Variants in SP110 observed in about 807,000 individuals in gnomAD.
The protein encoded by SP110 is SP110 nuclear body protein.
A neutral mutation model predicts 92.7 loss-of-function variants in SP110; 62 were observed. The observed-to-expected ratio is 0.67, with a 90% confidence interval of 0.55 to 0.83. SP110 has a LOEUF of 0.83. Among genes scored for constraint, SP110 ranks in the 40% least tolerant of loss-of-function variants. The pLI is 0.00. For missense variants in SP110, 793 were observed against 863.9 expected, an observed-to-expected ratio of 0.92 and a Z score of 1.03; for synonymous variants, 273 against 305.3, an observed-to-expected ratio of 0.89 and a Z score of 1.10.
chr2:230,170,329 A>C (rs569302207), intron 18 of SP110, among the ~76,000 whole-genome samples: 1 of 152,218 alleles, frequency 6.6e-6, no homozygotes, highest in Admixed American at 6.5e-5. Context: ...GTTTGAACAA[A>C]GAGGCTGGAT....
intron 11 of SP110, among the ~76,000 whole-genome samples, chr2:230,185,354 C>T (rs552984908): frequency 3.9e-4 from 59 of 152,234 alleles, no homozygotes; most frequent in African/African-American, 1.4e-3. Context: ...ACTGGAGAAC[C>T]GTAATACAAG....
upstream of SP110, among the ~76,000 whole-genome samples, chr2:230,222,313 T>G (rs1272368946): frequency 1.3e-5 from 2 of 152,136 alleles, no homozygotes; most frequent in East Asian, 3.8e-4. Context: ...CTAGTGATTA[T>G]GTACTGAGAT....
At chr2:230,170,807 A>T in intron 17 of SP110, 46 bp from the exon 18 acceptor site, 2 of 1,597,224 alleles carry the variant, frequency 1.3e-6, no homozygotes, top group East Asian at 2.2e-5. Context: ...AGCTGTCATC[A>T]CTGGAATGGA....
At chr2:230,210,920 CCA>C (rs2044396562) in intron 6 of SP110, among the ~76,000 whole-genome samples, 2 of 152,184 alleles carry the variant, frequency 1.3e-5, no homozygotes, top group Non-Finnish European at 2.9e-5. Flanking sequence ...TGAAAATTCC[CCA>C]CAGTCAGGTG....
At chr2:230,208,916 G>T (rs1408546657) in intron 7 of SP110, among the ~76,000 whole-genome samples, 1 of 152,182 alleles carries the variant, frequency 6.6e-6, no homozygotes, top group Non-Finnish European at 1.5e-5. Flanking sequence ...TGGACTGTGA[G>T]TTAGTGTCAA....
intron 7 of SP110, among the ~76,000 whole-genome samples, chr2:230,208,373 G>GTGA (rs2044107473): frequency 6.6e-6 from 1 of 152,220 alleles, no homozygotes; most frequent in African/African-American, 2.4e-5. Context: ...TTAATGAGCT[G>GTGA]TGATACATGT....
Position 230,219,865 on chromosome 2 carries a change from G to T in SP110, c.-2+9C>A. ...AGCGAAGAATAAAGCAGCAAAGACAGAAACTCACCTGGACTTTGAGTTTGT... is the reference window on the plus strand; with the variant it reads ...AGCGAAGAATAAAGCAGCAAAGACATAAACTCACCTGGACTTTGAGTTTGT... On this transcript the variant is annotated intron_variant, in intron 1 of 18. Transcript: ENST00000258381. The T allele has an allele frequency of 1.0e-6, 1 of 965,460 alleles. No homozygotes were observed. The highest frequency in any genetic ancestry group is 1.2e-6 in the Non-Finnish European group (1 of 811,514). The allele number at this position is 965,460 out of a possible 1,614,324, so 59.8% of individuals were successfully genotyped here. A position where few individuals can be genotyped will look rare whatever the true frequency, so the allele number is the denominator to read the frequency against.
rs2045244748 is a variant in SP110, at chr2:230,216,883, G to A, written c.45C>T (p.His15=). ...CGATCCCCAGCTTCTGGTGCATGAA[G>A]TGCTGAAAAAGAGCCTCTTCCATGG... is the stretch of plus-strand genomic sequence containing the variant. ...TRAMEEALFQ[H]FMHQKLGIAY... Residue 15 remains histidine, a synonymous_variant, in exon 2 of 19, where the codon CAC becomes CAT. Transcript: ENST00000258381. 2.5e-6 allele frequency: 4 copies of A among 1,614,052 alleles called. No homozygotes were observed. Among genetic ancestry groups the A allele is most frequent in the South Asian group, 1.1e-5 (1 of 91,082 alleles).
intron 14 of SP110, among the ~76,000 whole-genome samples, chr2:230,175,035 T>C (rs1037678169): frequency 2.6e-5 from 4 of 151,512 alleles, no homozygotes; most frequent in African/African-American, 9.7e-5. Flanking sequence ...TGATCTGGAT[T>C]TTAAAGATTT....
intron 8 of SP110, chr2:230,203,768 T>C (rs1043670758): frequency 6.6e-6 from 1 of 152,244 alleles, no homozygotes; most frequent in Non-Finnish European, 1.5e-5. Flanking sequence ...TGTTTTGTTT[T>C]GTAAAAAATA....
chr2:230,211,818 G>A lies in SP110; in HGVS notation c.668-265C>T, dbSNP rs146089829. ...GAGTGGATGCAATATTATTTGGATC[G>A]AAGAGGACCCCTCTTCTCAGTACTG... On this transcript the variant is annotated intron_variant, in intron 5 of 18. Coordinates refer to ENST00000258381, the MANE Select transcript of SP110 (RefSeq NM_080424.4). This position sits in a 1 kb window ranked among gnomAD's most constrained non-coding sequence, Gnocchi z 4.2. Among the ~76,000 whole-genome samples the A allele has an allele frequency of 1.5e-3, 235 of 152,182 alleles. 1 individual carries two copies. Among genetic ancestry groups the A allele is most frequent in the African/African-American group, 5.4e-3 (223 of 41,516 alleles).
At chr2:230,204,035 T>C (rs56412815) in intron 8 of SP110, among the ~76,000 whole-genome samples, 19,137 of 151,894 alleles carry the variant, frequency 0.13, 1,343 homozygotes, top group South Asian at 0.27. Flanking sequence ...AATTGGAAAA[T>C]TGGAAAAAAG....
rs566010254 is a variant in SP110, at chr2:230,172,306, A to G, written c.1707-132T>C. 2.3e-5 allele frequency: 17 copies of G among 737,798 alleles called. No homozygotes were observed. The East Asian group carries it at 4.1e-4, about 18-fold the overall frequency. 45.7% of individuals were successfully genotyped at this position (737,798 alleles called of 1,614,324 possible). A position where few individuals can be genotyped will look rare whatever the true frequency, so the allele number is the denominator to read the frequency against. On this transcript the variant is annotated intron_variant, in intron 15 of 18. Coordinates refer to ENST00000258381, the MANE Select transcript of SP110 (RefSeq NM_080424.4). ...GGTGGGACACCTCCCAGAGTGTCCAAGATCCCCACATGGGGTCTCCAGCAT... is the reference window on the plus strand; with the variant it reads ...GGTGGGACACCTCCCAGAGTGTCCAGGATCCCCACATGGGGTCTCCAGCAT...
In SP110 at chr2:230,200,922, G is replaced by A. The variant is rs777870124; in HGVS notation, c.1092C>T (p.Ser364=). Residue 364 remains serine (S), a synonymous_variant, in exon 10 of 19, where the codon TCC becomes TCT. Coordinates refer to ENST00000258381, the MANE Select transcript of SP110 (RefSeq NM_080424.4). Reference sequence around the variant, plus strand: ...TTCGTGGTGTACTAGGCGTCTTCTGGGACCTCTTTCCTTCATTCATTTCTG... The same window carrying A: ...TTCGTGGTGTACTAGGCGTCTTCTGAGACCTCTTTCCTTCATTCATTTCTG... ...GTSEMNEGKR[S]QKTPSTPRRV... The A allele has an allele frequency of 5.0e-6, 8 of 1,613,864 alleles. No homozygotes were observed. Among genetic ancestry groups the A allele is most frequent in the Non-Finnish European group, 6.8e-6 (8 of 1,179,854 alleles).
rs935448484 is a variant in SP110 at position 230,168,484 on chromosome 2, G to A, written c.*640C>T. The A allele has an allele frequency of 6.6e-5, 10 of 152,192 alleles. No individual in the cohort carries two copies. Among genetic ancestry groups the A allele is most frequent in the African/African-American group, 2.2e-4 (9 of 41,408 alleles). 9.4% of individuals were successfully genotyped at this position (152,192 alleles called of 1,614,324 possible). On this transcript the variant is annotated 3_prime_UTR_variant, in exon 19 of 19. Coordinates refer to ENST00000258381, the MANE Select transcript of SP110 (RefSeq NM_080424.4). ...GTATTGCTAAAACCATCAGGTGATA[G>A]ATGATCAGGCTGATAACACGTGCAC...
At chr2:230,180,512 C>T (rs985898800) in intron 12 of SP110, among the ~76,000 whole-genome samples, 2 of 151,976 alleles carry the variant, frequency 1.3e-5, no homozygotes, top group Non-Finnish European at 1.5e-5. Context: ...GTCATCTATC[C>T]GCATAACAAT....
intron 12 of SP110, among the ~76,000 whole-genome samples, chr2:230,181,789 A>G (rs2042138771): frequency 6.6e-6 from 1 of 152,236 alleles, no homozygotes; most frequent in South Asian, 2.1e-4. Flanking sequence ...GATTATTAAA[A>G]AGTTAAGAAA....
intron 18 of SP110, 147 bp from the exon 19 acceptor site, chr2:230,169,384 C>T: frequency 1.5e-6 from 1 of 679,620 alleles, no homozygotes; most frequent in Non-Finnish European, 2.7e-6. Context: ...TCATGGCTCA[C>T]TGCAGCCTTG....
rs1208787751 is a variant in SP110 at position 230,213,178 on chromosome 2, A to C, written c.317-151T>G. 7.7e-6 allele frequency: 6 copies of C among 777,994 alleles called. No individual in the cohort carries two copies. In the South Asian group the frequency reaches 9.0e-5, roughly 12 times the overall value. The allele number at this position is 777,994 out of a possible 1,614,324, so 48.2% of individuals were successfully genotyped here. On this transcript the variant is annotated intron_variant, in intron 3 of 18. Transcript: ENST00000258381. ...AGAGAACTGATTCATTGTCATCATT[A>C]TCCATTTGTGGCCCCTTAATATTTT... is the stretch of plus-strand genomic sequence containing the variant.
Sources: gnomAD v4.1 joint callset for allele counts (sites outside exome capture counted in the v4.1 genomes callset) on GRCh38, gnomAD v4.1.1 for gene constraint, Gnocchi (gnomAD v3.1) non-coding constraint, MANE v1.5 for transcripts, NCBI Gene and HGNC (gene_info 2026-07-23, HGNC 2026-07-21) for gene names.